RPS6KA2: variants seen among roughly 807,000 people sequenced by gnomAD.
The protein encoded by RPS6KA2 is ribosomal protein S6 kinase A2.
RPS6KA2 carries 42 observed loss-of-function variants against 91.8 expected under a neutral mutation model. The ratio of observed to expected loss-of-function variants is 0.46; its 90% CI spans 0.36 to 0.59. The LOEUF is 0.59. Among genes scored for constraint, RPS6KA2 ranks in the 20% least tolerant of loss-of-function variants. RPS6KA2 has a pLI of 0.00. For synonymous variants in RPS6KA2, 414 were observed against 393.6 expected (o/e 1.05, Z -0.61); for missense variants, 798 against 978.5 (o/e 0.82, Z 2.46).
intron 1 of RPS6KA2, among the ~76,000 whole-genome samples, chr6:166,858,743 G>A (rs1005684066): frequency 2.0e-5 from 3 of 152,226 alleles, no homozygotes; most frequent in Non-Finnish European, 2.9e-5. Flanking sequence ...ATGAGGCCCA[G>A]CCCATAAAAC....
intron 10 of RPS6KA2, among the ~76,000 whole-genome samples, chr6:166,481,997 T>C (rs1029976835): frequency 1.3e-5 from 2 of 151,624 alleles, no homozygotes; most frequent in Admixed American, 1.3e-4. Context: ...TATACCTCTC[T>C]GATCGATCTT....
At chr6:166,425,787 C>A (rs1778893923) in intron 16 of RPS6KA2, among the ~76,000 whole-genome samples, 1 of 152,096 alleles carries the variant, frequency 6.6e-6, no homozygotes, top group African/African-American at 2.4e-5. Context: ...TACAGGAGCA[C>A]CCAGATTCAT....
Position 166,612,962 on chromosome 6 carries a change from C to CA in RPS6KA2, c.99+13958dup, listed in dbSNP as rs1320512744. Among the ~76,000 whole-genome samples, 5 of 152,212 alleles carry CA rather than the reference C, an allele frequency of 3.3e-5. No individual in the cohort carries two copies. The highest frequency in any genetic ancestry group is 2.6e-4 in the Admixed American group (4 of 15,280). On this transcript the variant is annotated intron_variant, in intron 1 of 20. Coordinates refer to ENST00000265678, the MANE Select transcript of RPS6KA2 (RefSeq NM_021135.6). The surrounding 1 kb of genome is among the most constrained non-coding windows in gnomAD (Gnocchi z 4.3). ...TGCCCTTTAATTATTGTTTAAAAGA[C>CA]AGATGCTTGAGCAGTGTTTCCCGGA...
intron 2 of RPS6KA2, among the ~76,000 whole-genome samples, chr6:166,762,616 C>T (rs1003818332): frequency 1.6e-4 from 24 of 152,168 alleles, no homozygotes; most frequent in African/African-American, 4.1e-4. Context: ...CTGTGCACCA[C>T]GGTCCCTGAG....
intron 2 of RPS6KA2, among the ~76,000 whole-genome samples, chr6:166,717,245 G>A (rs1039885696): frequency 3.2e-4 from 49 of 152,212 alleles, no homozygotes; most frequent in African/African-American, 1.1e-3. Flanking sequence ...AAGGAGCAGA[G>A]CATTGCAAAG....
intron 10 of RPS6KA2, among the ~76,000 whole-genome samples, chr6:166,481,485 T>C (rs1431530174): frequency 6.6e-6 from 1 of 152,122 alleles, no homozygotes; most frequent in Admixed American, 6.5e-5. Context: ...TAGTAGAGTG[T>C]ACGTATACCT....
chr6:166,616,580 A>G, intron 1 of RPS6KA2, among the ~76,000 whole-genome samples: 1 of 152,214 alleles, frequency 6.6e-6, no homozygotes, highest in East Asian at 1.9e-4. Flanking sequence ...GAGGGAGATG[A>G]ACATGCAGAA....
chr6:166,698,802 G>C (rs7755916), intron 2 of RPS6KA2, among the ~76,000 whole-genome samples: 14 of 152,224 alleles, frequency 9.2e-5, no homozygotes, highest in Non-Finnish European at 1.8e-4. Flanking sequence ...CTGCACTGTG[G>C]CTTTTTAACC....
At chr6:166,586,274 G>C in intron 1 of RPS6KA2, 1 of 1,597,546 alleles carries the variant, frequency 6.3e-7, no homozygotes, top group Non-Finnish European at 8.5e-7. Flanking sequence ...CCCATCTGTT[G>C]TCCCTGCCTC....
chr6:166,646,164 A>T (rs543538290), intron 2 of RPS6KA2, among the ~76,000 whole-genome samples: 1 of 152,256 alleles, frequency 6.6e-6, no homozygotes, highest in South Asian at 2.1e-4. Context: ...CCTTAAACTT[A>T]GTGCCCATCT....
At chr6:166,661,092 C>T (rs1788150145) in intron 2 of RPS6KA2, among the ~76,000 whole-genome samples, 1 of 104,972 alleles carries the variant, frequency 9.5e-6, no homozygotes, top group Admixed American at 9.5e-5. Flanking sequence ...TTTGTATGGC[C>T]AAAATCTTTT....
chr6:166,596,381 A>C (rs1352661661), intron 1 of RPS6KA2, among the ~76,000 whole-genome samples: 1 of 152,306 alleles, frequency 6.6e-6, no homozygotes, highest in African/African-American at 2.4e-5. Flanking sequence ...ACCCACCCTC[A>C]ATCTGGGTGG....
chr6:166,659,015 G>C (rs9366037), intron 2 of RPS6KA2, among the ~76,000 whole-genome samples: 38,910 of 151,882 alleles, frequency 0.26, 5,065 homozygotes, highest in East Asian at 0.34. Context: ...ATGCTTCTCC[G>C]GTAAACTGTG....
intron 2 of RPS6KA2, among the ~76,000 whole-genome samples, chr6:166,652,864 A>C (rs914697298): frequency 6.6e-6 from 1 of 152,182 alleles, no homozygotes; most frequent in Non-Finnish European, 1.5e-5. Flanking sequence ...CATGTCATCA[A>C]TATTCCATCA....
At chr6:166,473,003 C>G (rs1042896730) in intron 10 of RPS6KA2, among the ~76,000 whole-genome samples, 1 of 152,176 alleles carries the variant, frequency 6.6e-6, no homozygotes, top group African/African-American at 2.4e-5. Context: ...AATCACACTT[C>G]TTCTCGGTAG....
intron 2 of RPS6KA2, among the ~76,000 whole-genome samples, chr6:166,755,629 C>G (rs1335799186): frequency 6.6e-6 from 1 of 152,220 alleles, no homozygotes; most frequent in Non-Finnish European, 1.5e-5. Flanking sequence ...CTGCTGCGCT[C>G]CGGCCCAGCT....
intron 14 of RPS6KA2, among the ~76,000 whole-genome samples, chr6:166,442,568 C>T (rs769996579): frequency 6.6e-6 from 1 of 151,562 alleles, no homozygotes; most frequent in Admixed American, 6.6e-5. Flanking sequence ...TATTTACTCT[C>T]GTCATCCTCG....
In RPS6KA2 at chr6:166,490,450, C is replaced by G. The variant is rs924717844; in HGVS notation, c.818+221G>C. Among the ~76,000 whole-genome samples the G allele has an allele frequency of 2.0e-5, 3 of 152,212 alleles. No homozygotes were observed. The highest frequency in any genetic ancestry group is 2.9e-5 in the Non-Finnish European group (2 of 68,034). ...ACAAACCAGCAACTGCTCCCTTGAC[C>G]CACTGTCATTAGAATGCCCAGCACC... On this transcript the variant is annotated intron_variant, in intron 9 of 20. Transcript: ENST00000265678. This position sits in a 1 kb window ranked among gnomAD's most constrained non-coding sequence, Gnocchi z 4.2.
intron 2 of RPS6KA2, among the ~76,000 whole-genome samples, chr6:166,728,501 T>C (rs1327428071): frequency 1.3e-5 from 2 of 152,128 alleles, no homozygotes; most frequent in African/African-American, 2.4e-5. Flanking sequence ...TTTACTCTGG[T>C]CTCTGAGCCA....
Sources: allele counts gnomAD v4.1 joint callset (sites outside exome capture counted in the v4.1 genomes callset), GRCh38; gene constraint gnomAD v4.1.1; non-coding constraint Gnocchi (gnomAD v3.1); transcripts MANE v1.5; gene names NCBI Gene and HGNC (gene_info 2026-07-23, HGNC 2026-07-21).